PCBP3: variants seen among roughly 807,000 people sequenced by gnomAD.
PCBP3 encodes poly(rC)-binding protein 3.
Under a neutral mutation model 52.7 loss-of-function variants are expected in PCBP3, and 25 were observed. The observed-to-expected ratio is 0.47, with a 90% CI of 0.35 to 0.66. The LOEUF is 0.66. Among genes scored for constraint, PCBP3 ranks in the 30% least tolerant of loss-of-function variants. The pLI, the probability that PCBP3 is intolerant of heterozygous loss-of-function variation, is 0.01. For missense variants in PCBP3, 391 were observed against 490.3 expected, an observed-to-expected ratio of 0.80 and a Z score of 1.91; for synonymous variants, 162 against 183.0, an observed-to-expected ratio of 0.89 and a Z score of 0.93.
intron 4 of PCBP3, among the ~76,000 whole-genome samples, chr21:45,809,841 G>A (rs1001887261): frequency 6.6e-6 from 1 of 152,196 alleles, no homozygotes; most frequent in East Asian, 1.9e-4. Context: ...TACAAGCCTT[G>A]CATACACACA....
chr21:45,893,241 G>A (rs887375089), intron 5 of PCBP3, among the ~76,000 whole-genome samples: 3 of 151,810 alleles, frequency 2.0e-5, no homozygotes, highest in Non-Finnish European at 4.4e-5. Context: ...GGGGAGGAGG[G>A]AGGGGGCTCT....
At chr21:45,813,453 T>C (rs1374315615) in intron 4 of PCBP3, among the ~76,000 whole-genome samples, 1 of 152,218 alleles carries the variant, frequency 6.6e-6, no homozygotes, top group Non-Finnish European at 1.5e-5. Flanking sequence ...TTTCATTTTC[T>C]TTTTTGGAAA....
chr21:45,796,178 A>G (rs2091912442), intron 4 of PCBP3, among the ~76,000 whole-genome samples: 1 of 152,204 alleles, frequency 6.6e-6, no homozygotes, highest in Non-Finnish European at 1.5e-5. Context: ...CAGAAACAAC[A>G]AAACTTCTCC....
At position 45,837,563 on chromosome 21, in the gene PCBP3, C is replaced by T. The variant is rs2093617272; in HGVS notation, c.-125-12398C>T. Among the ~76,000 whole-genome samples the T allele has an allele frequency of 1.3e-5, 2 of 152,194 alleles. No individual in the cohort carries two copies. The highest frequency in any genetic ancestry group is 2.9e-5 in the Non-Finnish European group (2 of 68,040). On this transcript the variant is annotated intron_variant, in intron 4 of 17. Coordinates refer to ENST00000681687, the MANE Select transcript of PCBP3 (RefSeq NM_001384156.1). The surrounding 1 kb of genome is among the most constrained non-coding windows in gnomAD (Gnocchi z 4.1). ...CCTACCTGTAGCCCTGGGTTGTCTG[C>T]CTCTTGGGGGTAGCGGCTGTGTGGA...
chr21:45,785,869 C>T (rs1185327219), intron 4 of PCBP3, among the ~76,000 whole-genome samples: 4 of 150,112 alleles, frequency 2.7e-5, no homozygotes, highest in African/African-American at 7.4e-5. Context: ...GTGCTGTGTC[C>T]ACTCAGGGTT....
intron 4 of PCBP3, among the ~76,000 whole-genome samples, chr21:45,775,923 A>G (rs2090217905): frequency 6.6e-6 from 1 of 152,192 alleles, no homozygotes; most frequent in Non-Finnish European, 1.5e-5. Flanking sequence ...GAGATGCATT[A>G]TTAGACTGTT....
chr21:45,764,778 C>T (rs185697521), intron 4 of PCBP3, among the ~76,000 whole-genome samples: 4 of 152,356 alleles, frequency 2.6e-5, no homozygotes, highest in Admixed American at 2.6e-4. Flanking sequence ...CCATTTACCA[C>T]ATTCTAGCAA....
Position 45,821,546 on chromosome 21 carries a change from G to A in PCBP3, c.-125-28415G>A, listed in dbSNP as rs1282019557. Reference sequence around the variant, plus strand: ...ATTTCTAGAATACTCTTCCCTGCCTGCACCCTGCTGTGGGCCCCGCCCCCT... The same window carrying A: ...ATTTCTAGAATACTCTTCCCTGCCTACACCCTGCTGTGGGCCCCGCCCCCT... On this transcript the variant is annotated intron_variant, in intron 4 of 17. Transcript: ENST00000681687. This position sits in a 1 kb window ranked among gnomAD's most constrained non-coding sequence, Gnocchi z 4.4. Among the ~76,000 whole-genome samples the A allele has an allele frequency of 6.6e-6, 1 of 151,824 alleles. No homozygotes were observed. Among genetic ancestry groups the A allele is most frequent in the Non-Finnish European group, 1.5e-5 (1 of 67,996 alleles).
rs76306318 is a variant in PCBP3 at position 45,842,872 on chromosome 21, G to C, written c.-125-7089G>C. ...CAGGGTGCTGTGTGCGTCCTGTCCTGTGCATGGAGCAGGGCAGGTATTCTC... is the reference window on the plus strand; with the variant it reads ...CAGGGTGCTGTGTGCGTCCTGTCCTCTGCATGGAGCAGGGCAGGTATTCTC... On this transcript the variant is annotated intron_variant, in intron 4 of 17. Coordinates refer to ENST00000681687, the MANE Select transcript of PCBP3 (RefSeq NM_001384156.1). Among the ~76,000 whole-genome samples, 806 of 152,312 alleles carry C rather than the reference G, an allele frequency of 5.3e-3. 4 individuals carry two copies. The highest frequency in any genetic ancestry group is 0.018 in the African/African-American group (755 of 41,558).
At chr21:45,854,199 C>T (rs756739402) in intron 5 of PCBP3, among the ~76,000 whole-genome samples, 2 of 152,042 alleles carry the variant, frequency 1.3e-5, no homozygotes, top group Non-Finnish European at 2.9e-5. Context: ...GGCTCAAATA[C>T]GACTCCTCCT....
At chr21:45,907,055 G>A (rs1483895204) in intron 9 of PCBP3, among the ~76,000 whole-genome samples, 9 of 152,262 alleles carry the variant, frequency 5.9e-5, no homozygotes, top group Admixed American at 2.6e-4. Context: ...AAGGCCAGGC[G>A]GAGGCCGGCC....
At chr21:45,766,919 TG>T (rs1297658292) in intron 4 of PCBP3, among the ~76,000 whole-genome samples, 2 of 150,790 alleles carry the variant, frequency 1.3e-5, no homozygotes, top group Admixed American at 6.6e-5. Flanking sequence ...ACAACAAGAG[TG>T]GTATCATTAC....
Position 45,941,716 on chromosome 21 carries a change from G to A in PCBP3, c.*10G>A. On this transcript the variant is annotated 3_prime_UTR_variant, in exon 18 of 18. Coordinates refer to ENST00000681687, the MANE Select transcript of PCBP3 (RefSeq NM_001384156.1). ...GATGGGCACGCTGTAATCCTACCCAGCACCCTTCCCCCGCGTCACCCACCT... is the reference window on the plus strand; with the variant it reads ...GATGGGCACGCTGTAATCCTACCCAACACCCTTCCCCCGCGTCACCCACCT... The A allele has an allele frequency of 6.2e-7, 1 of 1,600,356 alleles. No homozygotes were observed. Among genetic ancestry groups the A allele is most frequent in the Non-Finnish European group, 8.5e-7 (1 of 1,173,192 alleles).
chr21:45,669,975 A>G (rs1352610744), intron 2 of PCBP3, among the ~76,000 whole-genome samples: 2 of 151,648 alleles, frequency 1.3e-5, no homozygotes, highest in Non-Finnish European at 2.9e-5. Flanking sequence ...ATTTGTGCCT[A>G]TACCTAGAAA....
At chr21:45,696,335 T>C (rs1173710181) in intron 2 of PCBP3, among the ~76,000 whole-genome samples, 1 of 152,008 alleles carries the variant, frequency 6.6e-6, no homozygotes, top group Non-Finnish European at 1.5e-5. Context: ...AGTTGAGAAG[T>C]TGGACTTTAT....
At chr21:45,651,883 C>T (rs985702332) in intron 1 of PCBP3, among the ~76,000 whole-genome samples, 3 of 152,180 alleles carry the variant, frequency 2.0e-5, no homozygotes, top group Admixed American at 2.0e-4. Flanking sequence ...TGGGATAGGA[C>T]AGAACTATTG....
intron 2 of PCBP3, among the ~76,000 whole-genome samples, chr21:45,669,908 G>A (rs2147260558): frequency 6.8e-6 from 1 of 147,210 alleles, no homozygotes; most frequent in Non-Finnish European, 1.5e-5. Context: ...TGGCTATAGT[G>A]AATAATGCTG....
chr21:45,768,905 C>T (rs1395313312), intron 4 of PCBP3, among the ~76,000 whole-genome samples: 1 of 152,238 alleles, frequency 6.6e-6, no homozygotes, highest in East Asian at 1.9e-4. Context: ...TTCCGTCTGA[C>T]TCGGGGATGC....
chr21:45,917,571 T>C lies in PCBP3; in HGVS notation c.676-17T>C, dbSNP rs1228485667. 11 of 1,091,924 alleles carry C rather than the reference T, an allele frequency of 1.0e-5. No individual in the cohort carries two copies. In the East Asian group the frequency reaches 3.6e-4, roughly 36 times the overall value. The allele number at this position is 1,091,924 out of a possible 1,614,324, so 67.6% of individuals were successfully genotyped here. A position where few individuals can be genotyped will look rare whatever the true frequency, so the allele number is the denominator to read the frequency against. On this transcript the variant is annotated splice_polypyrimidine_tract_variant and intron_variant, in intron 12 of 17. Coordinates refer to ENST00000681687, the MANE Select transcript of PCBP3 (RefSeq NM_001384156.1). This position sits in a 1 kb window ranked among gnomAD's most constrained non-coding sequence, Gnocchi z 5.3. ...GCAGCCAGGTTGCAGTCTGACGGGG[T>C]CTCTCTCTCTCTCTAGGCCTACACA...
Sources: gnomAD v4.1 joint callset for allele counts (sites outside exome capture counted in the v4.1 genomes callset) on GRCh38, gnomAD v4.1.1 for gene constraint, Gnocchi (gnomAD v3.1) non-coding constraint, MANE v1.5 for transcripts, NCBI Gene and HGNC (gene_info 2026-07-23, HGNC 2026-07-21) for gene names.